The following LARGE1 variants were observed in gnomAD, a reference collection of about 807,000 sequenced individuals.
LARGE1 encodes LARGE xylosyl- and glucuronyltransferase 1, also known as xylosyl- and glucuronyltransferase LARGE1.
In LARGE1, 43 loss-of-function variants were observed where a neutral mutation model predicts 87.6. The ratio of observed to expected loss-of-function variants is 0.49; its 90% CI spans 0.38 to 0.63. The LOEUF (loss-of-function observed/expected upper bound fraction) is 0.63. LARGE1 is among the 30% of genes least tolerant of loss of function. The pLI is 0.00. For synonymous variants in LARGE1, 434 were observed against 394.6 expected (o/e 1.10, Z -1.18); for missense variants, 802 against 1,000.2 (o/e 0.80, Z 2.67).
chr22:33,291,886 G>A (rs911589542), intron 12 of LARGE1, among the ~76,000 whole-genome samples: 5 of 151,868 alleles, frequency 3.3e-5, no homozygotes, highest in Non-Finnish European at 7.4e-5. Context: ...TAAGGTCAGG[G>A]GTTAGACACC....
chr22:33,869,869 A>T (rs2064222370), intron 1 of LARGE1, among the ~76,000 whole-genome samples: 1 of 152,234 alleles, frequency 6.6e-6, no homozygotes, highest in Non-Finnish European at 1.5e-5. Flanking sequence ...CGTCATCAGG[A>T]GTATGGGGAA....
At chr22:33,282,601 G>C (rs1049364315) in intron 13 of LARGE1, among the ~76,000 whole-genome samples, 2 of 152,124 alleles carry the variant, frequency 1.3e-5, no homozygotes, top group African/African-American at 4.8e-5. Context: ...TGCAGGACTC[G>C]GGGGCCTGGG....
At chr22:33,551,774 C>A (rs1026983202) in intron 6 of LARGE1, among the ~76,000 whole-genome samples, 25 of 152,106 alleles carry the variant, frequency 1.6e-4, no homozygotes, top group Non-Finnish European at 1.3e-4. Context: ...CAATCAAAAT[C>A]TCTTGAACTC....
intron 2 of LARGE1, among the ~76,000 whole-genome samples, chr22:33,727,056 C>G (rs2083292903): frequency 6.6e-6 from 1 of 152,096 alleles, no homozygotes; most frequent in African/African-American, 2.4e-5. Flanking sequence ...ACGGATGGGT[C>G]AATGCCGGCA....
At chr22:33,130,477 A>G in the LARGE1 span, among the ~76,000 whole-genome samples, 6 of 151,914 alleles carry the variant, frequency 3.9e-5, no homozygotes, top group African/African-American at 1.5e-4. Context: ...GTGACAGAGC[A>G]AGACACTGTC....
intron 11 of LARGE1, among the ~76,000 whole-genome samples, chr22:33,224,236 A>G (rs906293122): frequency 6.6e-6 from 1 of 152,122 alleles, no homozygotes; most frequent in Non-Finnish European, 1.5e-5. Context: ...ACTGCACTCC[A>G]GCCTGGGTGA....
chr22:33,194,357 G>A (rs560543472), intron 11 of LARGE1, among the ~76,000 whole-genome samples: 1 of 152,228 alleles, frequency 6.6e-6, no homozygotes, highest in South Asian at 2.1e-4. Context: ...GACTTGCACG[G>A]CATGAACTCT....
intron 1 of LARGE1, among the ~76,000 whole-genome samples, chr22:33,782,484 C>A (rs1191823066): frequency 6.6e-6 from 1 of 152,232 alleles, no homozygotes. Flanking sequence ...TTTAAACACA[C>A]ATTTAAATGT....
At chr22:33,751,053 TCTG>T (rs2084297078) in intron 2 of LARGE1, among the ~76,000 whole-genome samples, 1 of 152,206 alleles carries the variant, frequency 6.6e-6, no homozygotes, top group Non-Finnish European at 1.5e-5. Context: ...CACTTCAAAT[TCTG>T]CTACCATCAA....
At chr22:33,419,132 G>C (rs2066605200) in intron 7 of LARGE1, among the ~76,000 whole-genome samples, 2 of 152,006 alleles carry the variant, frequency 1.3e-5, no homozygotes, top group Non-Finnish European at 2.9e-5. Flanking sequence ...CGTCTTACAT[G>C]GTGGCAGGCA....
At chr22:33,509,636 C>T (rs2070955180) in intron 6 of LARGE1, among the ~76,000 whole-genome samples, 1 of 151,894 alleles carries the variant, frequency 6.6e-6, no homozygotes, top group Non-Finnish European at 1.5e-5. Context: ...TTTTTTGGTA[C>T]AGATAGGGTC....
At chr22:33,778,232 T>C (rs1244693442) in intron 1 of LARGE1, among the ~76,000 whole-genome samples, 1 of 152,200 alleles carries the variant, frequency 6.6e-6, no homozygotes, top group Non-Finnish European at 1.5e-5. Flanking sequence ...CCCCGTGTGA[T>C]GGTTTCCAAC....
At chr22:33,590,726 A>C (rs2078812029) in intron 5 of LARGE1, among the ~76,000 whole-genome samples, 1 of 152,090 alleles carries the variant, frequency 6.6e-6, no homozygotes, top group South Asian at 2.1e-4. Context: ...ATTCCTTCCC[A>C]CTGCTGAGAC....
intron 2 of LARGE1, among the ~76,000 whole-genome samples, chr22:33,686,231 C>T (rs143887009): frequency 1.7e-3 from 256 of 152,134 alleles, no homozygotes; most frequent in African/African-American, 6.0e-3. Flanking sequence ...AATGTCCCTC[C>T]CTGTGAACTG....
At chr22:33,326,445 G>C (rs957930088) in intron 10 of LARGE1, among the ~76,000 whole-genome samples, 37 of 152,146 alleles carry the variant, frequency 2.4e-4, no homozygotes, top group African/African-American at 8.2e-4. Flanking sequence ...CTTAATTCTG[G>C]GGGGCCTTTG....
chr22:33,847,456 G>GT (rs924758623), intron 1 of LARGE1, among the ~76,000 whole-genome samples: 4 of 152,172 alleles, frequency 2.6e-5, no homozygotes, highest in African/African-American at 9.7e-5. Context: ...GGGAGTAACA[G>GT]TTTTTTAAAA....
At chr22:33,311,262 G>A (rs569256276) in intron 11 of LARGE1, among the ~76,000 whole-genome samples, 7 of 152,242 alleles carry the variant, frequency 4.6e-5, no homozygotes, top group African/African-American at 7.2e-5. Context: ...GCCCGGCCCC[G>A]GACTTTCTTT....
intron 1 of LARGE1, among the ~76,000 whole-genome samples, chr22:33,878,129 C>CTTTTTTTTTTTTATT (rs2064533418): frequency 2.2e-5 from 1 of 44,652 alleles, no homozygotes; most frequent in Non-Finnish European, 5.1e-5. Flanking sequence ...TATTGTATTT[C>CTTTTTTTTTTTTATT]TTTTTTTTTT....
intron 2 of LARGE1, among the ~76,000 whole-genome samples, chr22:33,722,950 G>A (rs893832992): frequency 3.9e-5 from 6 of 152,122 alleles, no homozygotes; most frequent in Non-Finnish European, 1.5e-5. Flanking sequence ...GGAAATTAGA[G>A]CAAGATCCTG....
Sources: gnomAD v4.1 joint callset for allele counts (sites outside exome capture counted in the v4.1 genomes callset) on GRCh38, gnomAD v4.1.1 for gene constraint, MANE v1.5 for transcripts, NCBI Gene and HGNC (gene_info 2026-07-23, HGNC 2026-07-21) for gene names.